VIRMA: variants seen among roughly 807,000 people sequenced by gnomAD.
VIRMA encodes the protein vir like m6A methyltransferase associated.
A neutral mutation model predicts 182.4 loss-of-function variants in VIRMA; 65 were observed. That is an observed-to-expected ratio of 0.36 (90% CI 0.29 to 0.44). The LOEUF (loss-of-function observed/expected upper bound fraction) is 0.44. Ranked by LOEUF, VIRMA falls within the 20% of genes least tolerant of loss-of-function variation. The pLI, the probability that VIRMA is intolerant of heterozygous loss-of-function variation, is 1.00. For synonymous variants in VIRMA, 709 were observed against 743.1 expected (o/e 0.95, Z 0.75); for missense variants, 1,752 against 2,158.1 (o/e 0.81, Z 3.73).
In VIRMA at chr8:94,531,056, C is replaced by T. The variant is rs1250492809; in HGVS notation, c.514G>A (p.Gly172Arg). The change falls in exon 6 of 24, where the codon GGA becomes AGA. Residue 172 changes from glycine to arginine, a missense_variant. Physicochemically the swap from Gly to Arg is moderately radical, Grantham distance 125. Coordinates refer to ENST00000297591, the MANE Select transcript of VIRMA (RefSeq NM_015496.5). ...CTTGGCTGTGGTCTTGGAGGGCTTC[C>T]ATTAAACTGATCTTCTTTCTCCCCA... is the stretch of plus-strand genomic sequence containing the variant. ...ADGEKEDQFNGSPPRPQPRGP... is the reference protein window; with the variant it reads ...ADGEKEDQFNRSPPRPQPRGP... The T allele has an allele frequency of 6.3e-7, 1 of 1,583,288 alleles. No homozygotes were observed. The highest frequency in any genetic ancestry group is 2.3e-5 in the East Asian group (1 of 42,662).
intron 4 of VIRMA, among the ~76,000 whole-genome samples, chr8:94,536,796 G>A (rs1028807469): frequency 5.3e-5 from 8 of 152,188 alleles, no homozygotes; most frequent in Admixed American, 3.3e-4. Context: ...TGGCTAATAC[G>A]GTGAAACCCC....
At chr8:94,533,759 G>C (rs144351974) in intron 5 of VIRMA, 1 of 151,494 alleles carries the variant, frequency 6.6e-6, no homozygotes, top group Non-Finnish European at 1.5e-5. Flanking sequence ...TATTTTTACA[G>C]ATGGGAGTCT....
rs1000452778 is a variant in VIRMA at position 94,542,241 on chromosome 8, C to T, written c.179+1586G>A. Among the ~76,000 whole-genome samples, 20 of 152,238 alleles carry T rather than the reference C, an allele frequency of 1.3e-4. 1 individual carries two copies. The highest frequency in any genetic ancestry group is 9.8e-4 in the Admixed American group (15 of 15,286). On this transcript the variant is annotated intron_variant, in intron 2 of 23. Transcript: ENST00000297591. ...TTCTGATATTAAGTTATAAAACACA[C>T]TGCCTGTGGCTTCTTTCTTGGGCAT...
At chr8:94,500,655 CTTTTT>C (rs11312961) in intron 16 of VIRMA, among the ~76,000 whole-genome samples, 1 of 126,716 alleles carries the variant, frequency 7.9e-6, no homozygotes, top group Non-Finnish European at 1.7e-5. Context: ...TCGGTAGTTT[CTTTTT>C]TTTTTTTTTT....
intron 16 of VIRMA, among the ~76,000 whole-genome samples, chr8:94,501,983 G>GTTGAGTTTCTATC (rs1814003677): frequency 6.6e-6 from 1 of 152,134 alleles, no homozygotes; most frequent in African/African-American, 2.4e-5. Context: ...TTGTTTCTTT[G>GTTGAGTTTCTATC]TTGAGTTTCT....
chr8:94,490,132 G>T, intron 22 of VIRMA, 50 bp from the exon 23 acceptor site: 2 of 1,554,578 alleles, frequency 1.3e-6, no homozygotes, highest in Non-Finnish European at 1.7e-6. Flanking sequence ...ACTTCAGTTG[G>T]ATTCTTTTAA....
chr8:94,543,459 CTT>C (rs1301859146), intron 2 of VIRMA, among the ~76,000 whole-genome samples: 2 of 140,152 alleles, frequency 1.4e-5, no homozygotes, highest in Admixed American at 7.1e-5. Context: ...GTAAGATACA[CTT>C]ATAAATATTT....
At chr8:94,503,877 AC>A (rs1171954207) in intron 16 of VIRMA, among the ~76,000 whole-genome samples, 4 of 151,338 alleles carry the variant, frequency 2.6e-5, no homozygotes, top group Admixed American at 6.6e-5. Flanking sequence ...AACCAAAAAA[AC>A]AAAAAAAAAA....
In VIRMA at chr8:94,529,300, T is replaced by A; in HGVS notation, c.650A>T (p.Tyr217Phe). 6.2e-7 allele frequency: 1 copy of A among 1,612,964 alleles called. No individual in the cohort carries two copies. Among genetic ancestry groups the A allele is most frequent in the East Asian group, 2.2e-5 (1 of 44,868 alleles). The change falls in exon 7 of 24, where the codon TAC becomes TTC. Residue 217 changes from tyrosine (Y) to phenylalanine (F), a missense_variant. Tyr to Phe is a conservative substitution (Grantham distance 22). This residue lies in a region of VIRMA where 114 missense variants were observed against 106.9 expected (regional missense o/e 1.07). Transcript: ENST00000297591. The part of the protein sequence containing the change: ...KEEDAPHRED[Y>F]FEPISPDRNS... ...CCGATCAGGAGAAATGGGCTCAAAGTAATCTTCTCTATGAGGAGCATCCTC... is the reference window on the plus strand; with the variant it reads ...CCGATCAGGAGAAATGGGCTCAAAGAAATCTTCTCTATGAGGAGCATCCTC...
chr8:94,531,841 A>C (rs972333018), intron 5 of VIRMA, among the ~76,000 whole-genome samples: 4 of 152,232 alleles, frequency 2.6e-5, no homozygotes, highest in African/African-American at 9.6e-5. Flanking sequence ...ATATTTTGTA[A>C]CACCACTCAG....
At position 94,541,695 on chromosome 8, in the gene VIRMA, C is replaced by A. The variant is rs562248500; in HGVS notation, c.179+2132G>T. 3.4e-4 allele frequency among the ~76,000 whole-genome samples: 52 copies of A among 152,198 alleles called. No individual in the cohort carries two copies. In the South Asian group the frequency reaches 0.011, roughly 32 times the overall value. On this transcript the variant is annotated intron_variant, in intron 2 of 23. Transcript: ENST00000297591. ...TAGCTGGGATTACAGGTGTGCACCA[C>A]CACAGCTGGCTAATTTTTGTGTTTT...
rs1813784413 is a variant in VIRMA at position 94,496,545 on chromosome 8, A to G, written c.4231-65T>C. 3 of 1,334,066 alleles carry G rather than the reference A, an allele frequency of 2.2e-6. No individual in the cohort carries two copies. In the Admixed American group the frequency reaches 5.7e-5, roughly 25 times the overall value. The allele number at this position is 1,334,066 out of a possible 1,614,324, so 82.6% of individuals were successfully genotyped here. ...AATTTACAAAGATGCATCCACACTT[A>G]TTCATATTATCTAAGCCATATGCTG... On this transcript the variant is annotated intron_variant, in intron 17 of 23. Transcript: ENST00000297591.
At chr8:94,488,883 T>C (rs764701885) in intron 23 of VIRMA, 23 bp from the exon 24 acceptor site, 1 of 1,603,950 alleles carries the variant, frequency 6.2e-7, no homozygotes, top group Admixed American at 1.7e-5. Context: ...GAATACAGTT[T>C]TTAGTTCCAA....
intron 12 of VIRMA, 104 bp from the exon 13 acceptor site, chr8:94,511,833 A>G: frequency 1.4e-6 from 1 of 717,278 alleles, no homozygotes; most frequent in African/African-American, 1.9e-5. Flanking sequence ...AATTATATTT[A>G]TAATAAATGA....
intron 8 of VIRMA, among the ~76,000 whole-genome samples, chr8:94,524,315 T>C (rs989945659): frequency 1.4e-5 from 2 of 146,156 alleles, no homozygotes; most frequent in Non-Finnish European, 3.0e-5. Flanking sequence ...TGTTTGTTTG[T>C]TTGTTTGGAG....
At position 94,496,372 on chromosome 8, in the gene VIRMA, C is replaced by T; in HGVS notation, c.4339G>A (p.Glu1447Lys). ...ELKQLLQSKEESPENLFLELE... is the reference protein window; with the variant it reads ...ELKQLLQSKEKSPENLFLELE... ...TCAAGGAACAAATTTTCTGGACTTT[C>T]TTCTTTGCTTTGTAGAAGCTGTTTT... The change falls in exon 18 of 24, where the codon GAA becomes AAA. Residue 1447 changes from glutamate to lysine, a missense_variant. Coordinates refer to ENST00000297591, the MANE Select transcript of VIRMA (RefSeq NM_015496.5). 2 of 1,613,000 alleles carry T rather than the reference C, an allele frequency of 1.2e-6. No homozygotes were observed. The highest frequency in any genetic ancestry group is 1.7e-6 in the Non-Finnish European group (2 of 1,179,704).
In VIRMA at chr8:94,519,275, T is replaced by C; in HGVS notation, c.2223A>G (p.Gln741=). ...LIRALCHFYD[Q]DEEEGLQSDG... is the part of the protein sequence containing the mutation. The stretch of plus-strand genomic sequence containing the variant: ...CAGATTGGAGACCTTCCTCCTCATC[T>C]TGATCATAAAAGTGACACAGAGCTC... Residue 741 remains glutamine (Q), a synonymous_variant, in exon 9 of 24, where the codon CAA becomes CAG. Transcript: ENST00000297591. 6.2e-7 allele frequency: 1 copy of C among 1,614,112 alleles called. No homozygotes were observed. Among genetic ancestry groups the C allele is most frequent in the South Asian group, 1.1e-5 (1 of 91,056 alleles).
intron 1 of VIRMA, among the ~76,000 whole-genome samples, chr8:94,544,495 C>G (rs1031134793): frequency 1.3e-5 from 2 of 151,660 alleles, no homozygotes; most frequent in Non-Finnish European, 2.9e-5. Context: ...CCCGTCTCTA[C>G]TAAAAAATAC....
chr8:94,538,927 A>G (rs1323167968), intron 2 of VIRMA, among the ~76,000 whole-genome samples: 1 of 151,630 alleles, frequency 6.6e-6, no homozygotes, highest in East Asian at 1.9e-4. Context: ...TTAGAGACAG[A>G]GTCTTGCTTT....
Sources: gnomAD v4.1 joint callset for allele counts (sites outside exome capture counted in the v4.1 genomes callset) on GRCh38, gnomAD v4.1.1 for gene constraint, gnomAD v4.1.1 regional missense constraint, MANE v1.5 for transcripts, NCBI Gene and HGNC (gene_info 2026-07-23, HGNC 2026-07-21) for gene names.